IKZF1: variants seen among roughly 807,000 people sequenced by gnomAD.
IKZF1 encodes the protein DNA-binding protein Ikaros.
A neutral mutation model predicts 51.7 loss-of-function variants in IKZF1; 10 were observed. The ratio of observed to expected loss-of-function variants is 0.19; its 90% CI spans 0.12 to 0.33. The LOEUF (loss-of-function observed/expected upper bound fraction) is 0.33, where lower values mean the gene tolerates loss of function less well. Ranked by LOEUF, IKZF1 falls within the 10% of genes least tolerant of loss-of-function variation. The pLI is 1.00. For missense variants in IKZF1, 484 were observed against 707.5 expected (o/e 0.68, Z 3.58); for synonymous variants, 280 against 282.3 (o/e 0.99, Z 0.08).
chr7:50,367,313 T>A (rs12534206), intron 3 of IKZF1, among the ~76,000 whole-genome samples: 6 of 151,916 alleles, frequency 3.9e-5, no homozygotes, highest in Non-Finnish European at 8.8e-5. Context: ...GGAAAGATTG[T>A]GCGTGTGTGT....
intron 2 of IKZF1, 64 bp downstream of exon 2, chr7:50,319,165 C>A (rs756200899): frequency 7.1e-7 from 1 of 1,408,542 alleles, no homozygotes; most frequent in South Asian, 1.2e-5. Flanking sequence ...GGCCGGAAGT[C>A]ACAGTGCTTG....
chr7:50,403,431 T>A lies in IKZF1; in HGVS notation c.*2804T>A, dbSNP rs972709688. The A allele has an allele frequency of 4.5e-6, 1 of 224,334 alleles. No individual in the cohort carries two copies. Among genetic ancestry groups the A allele is most frequent in the African/African-American group, 2.2e-5 (1 of 44,840 alleles). 13.9% of individuals were successfully genotyped at this position (224,334 alleles called of 1,614,324 possible). A position where few individuals can be genotyped will look rare whatever the true frequency, so the allele number is the denominator to read the frequency against. On this transcript the variant is annotated 3_prime_UTR_variant, in exon 8 of 8. Transcript: ENST00000331340. ...CTAGATTCCATGCACTCTCGTTGTG[T>A]TTGAAGTAAATATTGGAGACCGGAG...
chr7:50,370,227 G>A (rs1256753920), intron 3 of IKZF1, among the ~76,000 whole-genome samples: 1 of 152,144 alleles, frequency 6.6e-6, no homozygotes, highest in Admixed American at 6.5e-5. Context: ...GGAAAAATGC[G>A]TTCTGAGTAC....
chr7:50,303,917 G>C (rs957232207), upstream of IKZF1, among the ~76,000 whole-genome samples: 5 of 144,892 alleles, frequency 3.5e-5, no homozygotes, highest in Non-Finnish European at 6.1e-5. This position sits in a 1 kb window ranked among gnomAD's most constrained non-coding sequence, Gnocchi z 4.7. Context: ...CAGCGCCGCG[G>C]CCGAGCCGGG....
chr7:50,318,588 C>A, intron 1 of IKZF1: 1 of 218,694 alleles, frequency 4.6e-6, no homozygotes, highest in Non-Finnish European at 9.2e-6. Flanking sequence ...CATTCTTCAG[C>A]AAATTGCTTC....
intron 2 of IKZF1, 61 bp from the exon 3 acceptor site, chr7:50,327,577 G>C (rs2153384343): frequency 4.6e-6 from 7 of 1,516,466 alleles, no homozygotes; most frequent in Non-Finnish European, 4.4e-6. Context: ...CCAAAAGCCG[G>C]GGGAAGCCCA....
intron 3 of IKZF1, among the ~76,000 whole-genome samples, chr7:50,345,943 T>G (rs1215569401): frequency 6.6e-6 from 1 of 152,224 alleles, no homozygotes; most frequent in Admixed American, 6.5e-5. Context: ...CTGGTTCAGT[T>G]AAAATACTTC....
chr7:50,371,431 C>G (rs367931136), intron 3 of IKZF1, among the ~76,000 whole-genome samples: 2 of 152,230 alleles, frequency 1.3e-5, no homozygotes, highest in South Asian at 4.1e-4. Flanking sequence ...CCCACTTGTT[C>G]TTTTCTTCTA....
At chr7:50,328,052 A>T (rs1795535571) in intron 3 of IKZF1, 1 of 310,906 alleles carries the variant, frequency 3.2e-6, no homozygotes. Context: ...CTGCACTTGC[A>T]GGAATATCAA....
chr7:50,338,511 A>G (rs2153411266), intron 3 of IKZF1, among the ~76,000 whole-genome samples: 1 of 152,182 alleles, frequency 6.6e-6, no homozygotes, highest in East Asian at 1.9e-4. Flanking sequence ...GAAATGGGGA[A>G]AAAAAGGCTG....
chr7:50,314,809 A>T (rs563030414), intron 1 of IKZF1, among the ~76,000 whole-genome samples: 1 of 152,304 alleles, frequency 6.6e-6, no homozygotes, highest in South Asian at 2.1e-4. Context: ...CTGAAGTCAG[A>T]ATGAGTTCAC....
intron 3 of IKZF1, among the ~76,000 whole-genome samples, chr7:50,373,513 T>G (rs1215905710): frequency 1.3e-5 from 2 of 152,184 alleles, no homozygotes; most frequent in Non-Finnish European, 2.9e-5. Flanking sequence ...TTCTGCGTGG[T>G]GTCCTTTTTC....
chr7:50,354,846 C>A (rs990058874), intron 3 of IKZF1, among the ~76,000 whole-genome samples: 1 of 152,096 alleles, frequency 6.6e-6, no homozygotes, highest in Non-Finnish European at 1.5e-5. Context: ...GTTGAATGCC[C>A]TGAAGTTTAT....
chr7:50,329,164 CTT>C (rs535951141), intron 3 of IKZF1, among the ~76,000 whole-genome samples: 4 of 143,516 alleles, frequency 2.8e-5, no homozygotes. Flanking sequence ...TATAATGGTT[CTT>C]TTTTTTTTTA....
chr7:50,311,355 T>A (rs932606639), intron 1 of IKZF1, among the ~76,000 whole-genome samples: 1 of 152,370 alleles, frequency 6.6e-6, no homozygotes, highest in Admixed American at 6.5e-5. Flanking sequence ...TTTCTGTATT[T>A]ATATGTAGAT....
chr7:50,336,252 G>A (rs1797751619), intron 3 of IKZF1, among the ~76,000 whole-genome samples: 1 of 152,136 alleles, frequency 6.6e-6, no homozygotes, highest in Non-Finnish European at 1.5e-5. Context: ...CCTGGCCCCG[G>A]CGGGGGCAGG....
At chr7:50,375,861 G>T (rs1382157574) in intron 3 of IKZF1, among the ~76,000 whole-genome samples, 1 of 152,114 alleles carries the variant, frequency 6.6e-6, no homozygotes, top group Non-Finnish European at 1.5e-5. Flanking sequence ...AGAACACAGG[G>T]TTTGTTTTTA....
chr7:50,336,707 G>C (rs990277639), intron 3 of IKZF1, among the ~76,000 whole-genome samples: 6 of 152,204 alleles, frequency 3.9e-5, no homozygotes, highest in African/African-American at 1.4e-4. Flanking sequence ...TGTCCACTTC[G>C]GTGACTGGGG....
chr7:50,307,517 T>G (rs1789099196), intron 1 of IKZF1, among the ~76,000 whole-genome samples: 1 of 152,226 alleles, frequency 6.6e-6, no homozygotes, highest in African/African-American at 2.4e-5. Flanking sequence ...GTCCTGGCTG[T>G]GAACATTGTT....
Sources: gnomAD v4.1 joint callset for allele counts (sites outside exome capture counted in the v4.1 genomes callset) on GRCh38, gnomAD v4.1.1 for gene constraint, Gnocchi (gnomAD v3.1) non-coding constraint, MANE v1.5 for transcripts, NCBI Gene and HGNC (gene_info 2026-07-23, HGNC 2026-07-21) for gene names.